LRRIQ3: variants seen among roughly 807,000 people sequenced by gnomAD.
The protein encoded by LRRIQ3 is leucine-rich repeat and IQ domain-containing protein 3.
A neutral mutation model predicts 59.3 loss-of-function variants in LRRIQ3; 75 were observed. That is an observed-to-expected ratio of 1.26 (90% CI 1.05 to 1.53). The LOEUF (loss-of-function observed/expected upper bound fraction) is 1.53. Among genes scored for constraint, LRRIQ3 ranks in the 40% most tolerant of loss-of-function variants. LRRIQ3 has a pLI of 0.00. For synonymous variants in LRRIQ3, 250 were observed against 231.3 expected, an observed-to-expected ratio of 1.08 and a Z score of -0.73; for missense variants, 831 against 710.0, an observed-to-expected ratio of 1.17 and a Z score of -1.94.
chr1:74,123,953 T>C (rs1646898735), intron 4 of LRRIQ3, among the ~76,000 whole-genome samples: 1 of 151,910 alleles, frequency 6.6e-6, no homozygotes, highest in Admixed American at 6.6e-5. Context: ...ACTACAGAGA[T>C]ATAGTAACCA....
intron 4 of LRRIQ3, among the ~76,000 whole-genome samples, chr1:74,150,993 GT>G (rs1647897864): frequency 7.4e-6 from 1 of 135,808 alleles, no homozygotes; most frequent in Non-Finnish European, 1.6e-5. Flanking sequence ...GCCAGAAATA[GT>G]TATTGAATGA....
chr1:74,041,633 T>C lies in LRRIQ3; in HGVS notation c.1298A>G (p.Gln433Arg). The C allele has an allele frequency of 1.9e-6, 3 of 1,613,744 alleles. No homozygotes were observed. The highest frequency in any genetic ancestry group is 4.5e-5 in the East Asian group (2 of 44,870). The change falls in exon 7 of 8, where the codon CAG becomes CGG. Residue 433 changes from glutamine (Q) to arginine (R), a missense_variant. Physicochemically the swap from Gln to Arg is conservative, Grantham distance 43. Transcript: ENST00000354431. ...TCTTACTTTTTCTTTATGGTATTCCTGCTTCTTTTGTTCTGTGTAATATTT... is the reference window on the plus strand; with the variant it reads ...TCTTACTTTTTCTTTATGGTATTCCCGCTTCTTTTGTTCTGTGTAATATTT... Reference protein sequence around the residue: ...IDKYYTEQKKQEYHKEKVRVV... With the variant: ...IDKYYTEQKKREYHKEKVRVV...
At chr1:74,090,791 G>A (rs1443809913) in intron 5 of LRRIQ3, among the ~76,000 whole-genome samples, 1 of 152,020 alleles carries the variant, frequency 6.6e-6, no homozygotes, top group Admixed American at 6.6e-5. Flanking sequence ...CTACTAGAGA[G>A]GTTGAAGTGG....
At chr1:74,126,172 C>T (rs868203716) in intron 4 of LRRIQ3, among the ~76,000 whole-genome samples, 16 of 151,588 alleles carry the variant, frequency 1.1e-4, no homozygotes, top group Admixed American at 3.3e-4. Context: ...AATAATCTTT[C>T]GGATTTCTGT....
intron 1 of LRRIQ3, among the ~76,000 whole-genome samples, chr1:74,188,153 A>C (rs1650530266): frequency 1.3e-5 from 2 of 152,178 alleles, no homozygotes; most frequent in African/African-American, 4.8e-5. Context: ...TATCCTCAGC[A>C]AAAAAATGCA....
chr1:74,032,396 G>T (rs183621593), intron 7 of LRRIQ3, among the ~76,000 whole-genome samples: 30 of 152,024 alleles, frequency 2.0e-4, no homozygotes, highest in African/African-American at 6.5e-4. Flanking sequence ...GTGGCTAGTT[G>T]GGTTTTCTGC....
intron 6 of LRRIQ3, among the ~76,000 whole-genome samples, chr1:74,073,124 G>A (rs903877955): frequency 6.6e-6 from 1 of 151,952 alleles, no homozygotes; most frequent in African/African-American, 2.4e-5. Context: ...CTCCAACATG[G>A]TTCCTATCTC....
chr1:74,152,879 TG>T (rs945064609), intron 4 of LRRIQ3, among the ~76,000 whole-genome samples: 48 of 152,284 alleles, frequency 3.2e-4, no homozygotes, highest in African/African-American at 1.1e-3. Context: ...TCTTCATAAC[TG>T]ACCACAAATG....
intron 5 of LRRIQ3, among the ~76,000 whole-genome samples, chr1:74,095,894 G>A (rs1333987103): frequency 6.6e-6 from 1 of 151,936 alleles, no homozygotes; most frequent in Non-Finnish European, 1.5e-5. Flanking sequence ...TTTTTGGTCA[G>A]AGGACTCCTT....
chr1:74,133,117 A>G (rs770369431), intron 4 of LRRIQ3, among the ~76,000 whole-genome samples: 54 of 152,320 alleles, frequency 3.5e-4, no homozygotes, highest in Non-Finnish European at 1.9e-4. Flanking sequence ...AAAAATGCTC[A>G]TCATCACTGG....
At chr1:74,102,394 G>T (rs1252984272) in intron 5 of LRRIQ3, among the ~76,000 whole-genome samples, 2 of 151,824 alleles carry the variant, frequency 1.3e-5, no homozygotes, top group Non-Finnish European at 2.9e-5. Flanking sequence ...CTAATCATCA[G>T]AAAAATGCAA....
intron 6 of LRRIQ3, among the ~76,000 whole-genome samples, chr1:74,057,782 A>T (rs181497793): frequency 1.3e-5 from 2 of 152,312 alleles, no homozygotes; most frequent in African/African-American, 4.8e-5. Flanking sequence ...CAGCAAAGGA[A>T]CCAATCAGCA....
intron 7 of LRRIQ3, among the ~76,000 whole-genome samples, chr1:74,040,389 T>C (rs1654008588): frequency 1.3e-5 from 2 of 152,022 alleles, no homozygotes; most frequent in South Asian, 4.2e-4. Flanking sequence ...TAATGAGACA[T>C]AAAATTAACA....
chr1:74,142,943 G>A (rs1459104607), intron 4 of LRRIQ3, among the ~76,000 whole-genome samples: 1 of 151,944 alleles, frequency 6.6e-6, no homozygotes, highest in South Asian at 2.1e-4. Context: ...TCTTGTATGT[G>A]TATCTATGTA....
At chr1:74,146,101 T>C (rs1251553352) in intron 4 of LRRIQ3, among the ~76,000 whole-genome samples, 1 of 152,138 alleles carries the variant, frequency 6.6e-6, no homozygotes, top group Non-Finnish European at 1.5e-5. Context: ...ACAAATACGC[T>C]ATACCACCTA....
chr1:74,188,059 A>G (rs1413999912), intron 1 of LRRIQ3, among the ~76,000 whole-genome samples: 1 of 152,230 alleles, frequency 6.6e-6, no homozygotes, highest in African/African-American at 2.4e-5. Flanking sequence ...AAAATGTGGT[A>G]CATTTACACC....
chr1:74,147,960 T>G (rs963333486), intron 4 of LRRIQ3, among the ~76,000 whole-genome samples: 2 of 152,246 alleles, frequency 1.3e-5, no homozygotes, highest in African/African-American at 4.8e-5. Flanking sequence ...CAACAAGTCA[T>G]GAATTGCTTT....
intron 6 of LRRIQ3, among the ~76,000 whole-genome samples, chr1:74,072,601 G>GT (rs1260160194): frequency 6.6e-6 from 1 of 151,974 alleles, no homozygotes; most frequent in Non-Finnish European, 1.5e-5. Flanking sequence ...GTGCTCAGGA[G>GT]TAATAGTATC....
chr1:74,079,770 T>C (rs1646252757), intron 5 of LRRIQ3, among the ~76,000 whole-genome samples: 1 of 151,794 alleles, frequency 6.6e-6, no homozygotes, highest in African/African-American at 2.4e-5. Flanking sequence ...ATTTAGAAAC[T>C]TCAGTTCAAT....
Sources: allele counts gnomAD v4.1 joint callset (sites outside exome capture counted in the v4.1 genomes callset), GRCh38; gene constraint gnomAD v4.1.1; transcripts MANE v1.5; gene names NCBI Gene and HGNC (gene_info 2026-07-23, HGNC 2026-07-21).